Variants in PLD5 observed in about 807,000 individuals in gnomAD.
The protein encoded by PLD5 is inactive phospholipase D5.
PLD5 carries 36 observed loss-of-function variants against 61.1 expected under a neutral mutation model. That is an observed-to-expected ratio of 0.59 (90% CI 0.45 to 0.78). PLD5 has a LOEUF of 0.78. PLD5 is among the 30% of genes least tolerant of loss of function. The pLI is 0.00. For synonymous variants in PLD5, 243 were observed against 242.8 expected (o/e 1.00, Z -0.01); for missense variants, 515 against 644.4 (o/e 0.80, Z 2.17).
chr1:242,354,827 T>C (rs558501223), intron 1 of PLD5, among the ~76,000 whole-genome samples: 1 of 151,406 alleles, frequency 6.6e-6, no homozygotes. Flanking sequence ...TTTTTTTTTT[T>C]ACCATGAAAG....
intron 1 of PLD5, chr1:242,376,803 T>C: frequency 2.0e-6 from 2 of 1,023,992 alleles, no homozygotes; most frequent in African/African-American, 3.3e-5. Context: ...TGAAAGAGAA[T>C]ATATTGCAAC....
At chr1:242,113,500 C>T (rs1661705678) in intron 7 of PLD5, among the ~76,000 whole-genome samples, 2 of 152,160 alleles carry the variant, frequency 1.3e-5, no homozygotes, top group South Asian at 2.1e-4. Flanking sequence ...GGCAAGACTA[C>T]TCTGTTTCAA....
At position 242,212,366 on chromosome 1, in the gene PLD5, G is replaced by A. The variant is rs747405217; in HGVS notation, c.735+7622C>T. Among the ~76,000 whole-genome samples the A allele has an allele frequency of 4.6e-5, 7 of 152,174 alleles. 1 individual carries two copies. The highest frequency in any genetic ancestry group is 4.1e-4 in the South Asian group (2 of 4,836). ...GATGTATAAACCCATTTCTTTTAAC[G>A]CTTATTTAAAAATACGAAAAAACAT... On this transcript the variant is annotated intron_variant, in intron 5 of 9. Transcript: ENST00000536534.
rs562830447 is a variant in PLD5 at position 242,392,765 on chromosome 1, C to T, written c.190-44523G>A. Among the ~76,000 whole-genome samples, 5 of 152,240 alleles carry T rather than the reference C, an allele frequency of 3.3e-5. No homozygotes were observed. In the South Asian group the frequency reaches 8.3e-4, roughly 25 times the overall value. On this transcript the variant is annotated intron_variant, in intron 1 of 9. Transcript: ENST00000536534. Reference sequence around the variant, plus strand: ...GGTAGGAAGGCAGGGATGAAATAAGCAGTCACCTTGGGAGTTTTGGTAATT... The same window carrying T: ...GGTAGGAAGGCAGGGATGAAATAAGTAGTCACCTTGGGAGTTTTGGTAATT...
At chr1:242,489,412 C>T (rs896485854) in intron 1 of PLD5, among the ~76,000 whole-genome samples, 3 of 147,010 alleles carry the variant, frequency 2.0e-5, no homozygotes, top group African/African-American at 7.5e-5. Context: ...GATGCTGCAA[C>T]CAGAGAGAGA....
chr1:242,329,562 A>G (rs1449747126), intron 2 of PLD5, among the ~76,000 whole-genome samples: 2 of 152,182 alleles, frequency 1.3e-5, no homozygotes, highest in Non-Finnish European at 2.9e-5. Context: ...TTCTCCATCT[A>G]CACTTTGATA....
intron 3 of PLD5, among the ~76,000 whole-genome samples, chr1:242,280,831 C>T (rs546181081): frequency 2.0e-5 from 3 of 152,178 alleles, no homozygotes; most frequent in Non-Finnish European, 2.9e-5. Context: ...ATGGGAGTGA[C>T]GTTGTCAAAA....
intron 1 of PLD5, among the ~76,000 whole-genome samples, chr1:242,472,012 C>G (rs1667462119): frequency 6.6e-6 from 1 of 152,198 alleles, no homozygotes; most frequent in African/African-American, 2.4e-5. Flanking sequence ...GGAGACCACC[C>G]TGTTCGATTT....
At chr1:242,497,817 A>C (rs907397679) in intron 1 of PLD5, among the ~76,000 whole-genome samples, 6 of 152,238 alleles carry the variant, frequency 3.9e-5, no homozygotes, top group African/African-American at 1.2e-4. Flanking sequence ...GTCAGGCACT[A>C]TGCCAAGCAC....
chr1:242,259,786 T>C (rs1416447030), intron 4 of PLD5, among the ~76,000 whole-genome samples: 3 of 152,178 alleles, frequency 2.0e-5, no homozygotes, highest in Non-Finnish European at 2.9e-5. Context: ...AGTCATATTA[T>C]AGAAAGTACA....
chr1:242,521,220 G>C (rs758459113), intron 1 of PLD5, among the ~76,000 whole-genome samples: 1 of 152,072 alleles, frequency 6.6e-6, no homozygotes, highest in African/African-American at 2.4e-5. Context: ...CTTAAGTGTC[G>C]ACCATCCAGT....
At position 242,220,030 on chromosome 1, in the gene PLD5, C is replaced by T. The variant is rs751001547; in HGVS notation, c.693G>A (p.Val231=). 1.9e-6 allele frequency: 3 copies of T among 1,614,218 alleles called. No homozygotes were observed. Among genetic ancestry groups the T allele is most frequent in the South Asian group, 2.2e-5 (2 of 91,084 alleles). The part of the protein sequence containing the change: ...SSFWIVDKQH[V]YIGSAGLDWQ... Reference sequence around the variant, plus strand: ...AGTCCAAACCGGCACTGCCGATATACACGTGCTGTTTGTCCACGATCCAGA... The same window carrying T: ...AGTCCAAACCGGCACTGCCGATATATACGTGCTGTTTGTCCACGATCCAGA... The change falls in exon 5 of 10, where the codon GTG becomes GTA. Residue 231 remains valine, a synonymous_variant. Coordinates refer to ENST00000536534, the MANE Select transcript of PLD5 (RefSeq NM_001372062.1).
chr1:242,372,832 T>C (rs1189049115), intron 1 of PLD5, among the ~76,000 whole-genome samples: 3 of 78,360 alleles, frequency 3.8e-5, no homozygotes, highest in Admixed American at 2.6e-4. Context: ...CCTAAAACCA[T>C]AAAAACCCTA....
At chr1:242,343,130 T>A (rs1659936224) in intron 2 of PLD5, among the ~76,000 whole-genome samples, 1 of 151,926 alleles carries the variant, frequency 6.6e-6, no homozygotes. Context: ...GTACACCAGA[T>A]GAAGAGGTCT....
chr1:242,368,148 A>G (rs1287374734), intron 1 of PLD5, among the ~76,000 whole-genome samples: 1 of 152,170 alleles, frequency 6.6e-6, no homozygotes, highest in Non-Finnish European at 1.5e-5. Context: ...GAAATGGCCA[A>G]CCTCTAACAA....
chr1:242,224,569 G>T (rs968479437), intron 4 of PLD5, among the ~76,000 whole-genome samples: 1 of 152,126 alleles, frequency 6.6e-6, no homozygotes. Context: ...ATTCACGGGG[G>T]TTATTCAAGC....
At chr1:242,090,225 C>T (rs1381972799) in intron 9 of PLD5, 115 bp from the exon 10 acceptor site, 32 of 1,355,462 alleles carry the variant, frequency 2.4e-5, no homozygotes, top group East Asian at 7.3e-5. Flanking sequence ...GGAATAACAA[C>T]GGAGAGGCTG....
At chr1:242,275,198 G>A (rs1333737860) in intron 3 of PLD5, among the ~76,000 whole-genome samples, 1 of 151,700 alleles carries the variant, frequency 6.6e-6, no homozygotes, top group Non-Finnish European at 1.5e-5. Context: ...TTCTTTTGAA[G>A]CAATATACTA....
At chr1:242,376,809 G>C (rs1661989019) in intron 1 of PLD5, 3 of 1,084,514 alleles carry the variant, frequency 2.8e-6, no homozygotes, top group African/African-American at 3.2e-5. Flanking sequence ...AGAATATATT[G>C]CAACAGCCTA....
Sources: gnomAD v4.1 joint callset for allele counts (sites outside exome capture counted in the v4.1 genomes callset) on GRCh38, gnomAD v4.1.1 for gene constraint, MANE v1.5 for transcripts, NCBI Gene and HGNC (gene_info 2026-07-23, HGNC 2026-07-21) for gene names.